DOCK1: variants seen among roughly 807,000 people sequenced by gnomAD.
DOCK1 encodes dedicator of cytokinesis protein 1.
Under a neutral mutation model 262.7 loss-of-function variants are expected in DOCK1, and 138 were observed. The ratio of observed to expected loss-of-function variants is 0.53; its 90% confidence interval spans 0.46 to 0.61. The LOEUF is 0.61. Ranked by LOEUF, DOCK1 falls within the 20% of genes least tolerant of loss-of-function variation. The probability of loss-of-function intolerance (pLI) is 0.00; values close to 1 mark genes in which losing one functional copy is unlikely to be tolerated. For synonymous variants in DOCK1, 866 were observed against 867.4 expected (o/e 1.00, Z 0.03); for missense variants, 1,908 against 2,370.7 (o/e 0.80, Z 4.05).
At chr10:127,109,008 ATATAT>A (rs2048711004) in intron 24 of DOCK1, among the ~76,000 whole-genome samples, 1 of 152,228 alleles carries the variant, frequency 6.6e-6, no homozygotes, top group African/African-American at 2.4e-5. Flanking sequence ...TTTAAAAAAA[ATATAT>A]TATAAAATGC....
At chr10:127,220,588 G>A (rs756036109) in intron 27 of DOCK1, among the ~76,000 whole-genome samples, 13 of 151,970 alleles carry the variant, frequency 8.6e-5, no homozygotes, top group Non-Finnish European at 1.8e-4. Context: ...AACCCTAGCT[G>A]TAAAGGGAAG....
intron 29 of DOCK1, among the ~76,000 whole-genome samples, chr10:127,296,747 G>T (rs2061518264): frequency 6.6e-6 from 1 of 152,192 alleles, no homozygotes; most frequent in South Asian, 2.1e-4. Flanking sequence ...GCTGGCAGAG[G>T]TGGCTTTTTG....
intron 1 of DOCK1, among the ~76,000 whole-genome samples, chr10:126,968,871 A>G (rs2037876709): frequency 6.6e-6 from 1 of 152,178 alleles, no homozygotes; most frequent in African/African-American, 2.4e-5. Context: ...CTAACTAATA[A>G]CCATCTTTGT....
chr10:127,052,537 AAAAGAG>A, intron 21 of DOCK1, 138 bp from the exon 22 acceptor site: 1 of 1,270,596 alleles, frequency 7.9e-7, no homozygotes, highest in African/African-American at 1.5e-5. Flanking sequence ...AAAAAAAAAA[AAAAGAG>A]AAAACGTTTT....
At chr10:127,213,198 G>C (rs1179916048) in intron 27 of DOCK1, among the ~76,000 whole-genome samples, 3 of 152,214 alleles carry the variant, frequency 2.0e-5, no homozygotes, top group East Asian at 3.8e-4. Flanking sequence ...GGAAGAGAGA[G>C]AAAAATGTTT....
At chr10:127,273,732 A>G (rs1018563254) in intron 29 of DOCK1, among the ~76,000 whole-genome samples, 1 of 152,052 alleles carries the variant, frequency 6.6e-6, no homozygotes, top group Non-Finnish European at 1.5e-5. Context: ...AAGTAAAAAA[A>G]GTTAGCCGGG....
intron 36 of DOCK1, 75 bp from the exon 37 acceptor site, chr10:127,381,203 A>G: frequency 4.7e-6 from 6 of 1,284,460 alleles, no homozygotes; most frequent in Non-Finnish European, 6.5e-6. Context: ...TTGAACATAG[A>G]ATTTAGCTCT....
At chr10:127,365,011 G>A (rs1337113782) in intron 33 of DOCK1, among the ~76,000 whole-genome samples, 3 of 151,942 alleles carry the variant, frequency 2.0e-5, no homozygotes, top group Non-Finnish European at 4.4e-5. Context: ...TATAAAGACT[G>A]TACTAATACA....
At chr10:126,997,987 T>C (rs1835197958) in intron 7 of DOCK1, 105 bp from the exon 8 acceptor site, 3 of 1,440,872 alleles carry the variant, frequency 2.1e-6, no homozygotes, top group Non-Finnish European at 2.8e-6. Context: ...TTTGCTGGGT[T>C]ATGCCAATGA....
intron 44 of DOCK1, among the ~76,000 whole-genome samples, chr10:127,415,753 T>A (rs2068115207): frequency 6.6e-6 from 1 of 152,190 alleles, no homozygotes; most frequent in Non-Finnish European, 1.5e-5. Context: ...AAGCTAAACT[T>A]TGCTTTGAGA....
Position 127,384,894 on chromosome 10 carries a change from C to A in DOCK1, c.3912C>A (p.Tyr1304Ter). 6.2e-7 allele frequency: 1 copy of A among 1,601,724 alleles called. No homozygotes were observed. The highest frequency in any genetic ancestry group is 8.5e-7 in the Non-Finnish European group (1 of 1,176,070). The change falls in exon 38 of 52, where the codon TAC becomes TAA. Residue 1304 changes from tyrosine to a stop codon, truncating the protein, a stop_gained. Transcript: ENST00000623213. LOFTEE classifies it high-confidence loss of function. ...AGCTCTACCAGGAAATCATCCACTA[C>A]TTCGACAAAGGCAAGGTAAAACACA... ...KEQLYQEIIH[Y>*]FDKGKMWEEA...
chr10:127,177,413 C>T (rs1419861212), intron 27 of DOCK1, among the ~76,000 whole-genome samples: 1 of 152,216 alleles, frequency 6.6e-6, no homozygotes, highest in Non-Finnish European at 1.5e-5. Context: ...CTGTTTATTG[C>T]ACATGGAAGA....
At chr10:126,951,465 T>TG (rs1201181626) in intron 1 of DOCK1, among the ~76,000 whole-genome samples, 59 of 151,794 alleles carry the variant, frequency 3.9e-4, no homozygotes, top group African/African-American at 1.3e-3. Flanking sequence ...TTGGTAGTAG[T>TG]GGTAGTATTC....
At chr10:126,943,989 G>A (rs1483335950) in intron 1 of DOCK1, among the ~76,000 whole-genome samples, 8 of 152,066 alleles carry the variant, frequency 5.3e-5, no homozygotes, top group Admixed American at 4.6e-4. Context: ...ATTCTTGAAG[G>A]GTCCAGAGCT....
At chr10:127,273,928 C>T (rs1350408859) in intron 29 of DOCK1, among the ~76,000 whole-genome samples, 2 of 151,304 alleles carry the variant, frequency 1.3e-5, no homozygotes, top group Non-Finnish European at 2.9e-5. Context: ...GGATATGGGA[C>T]CTAAAAAGCA....
intron 46 of DOCK1, among the ~76,000 whole-genome samples, chr10:127,421,624 C>T (rs1217212479): frequency 6.6e-6 from 1 of 152,124 alleles, no homozygotes; most frequent in Non-Finnish European, 1.5e-5. Flanking sequence ...AACGACTTCC[C>T]CATTCCTCCC....
At chr10:127,402,774 C>T in intron 38 of DOCK1, 1 of 581,172 alleles carries the variant, frequency 1.7e-6, no homozygotes, top group Non-Finnish European at 3.3e-6. Context: ...AGAGCAAAGA[C>T]AGGAGCAGTG....
intron 23 of DOCK1, among the ~76,000 whole-genome samples, chr10:127,082,239 A>T (rs1388151886): frequency 6.6e-6 from 1 of 152,192 alleles, no homozygotes; most frequent in East Asian, 1.9e-4. Context: ...GTAAGTAGAA[A>T]TATTAAGCCA....
chr10:127,420,523 C>T (rs2068438439), intron 46 of DOCK1, among the ~76,000 whole-genome samples: 1 of 152,094 alleles, frequency 6.6e-6, no homozygotes, highest in Non-Finnish European at 1.5e-5. Flanking sequence ...TCTTGCCACA[C>T]TGTGTAAAGA....
Sources: allele counts gnomAD v4.1 joint callset (sites outside exome capture counted in the v4.1 genomes callset), GRCh38; gene constraint gnomAD v4.1.1; transcripts MANE v1.5; gene names NCBI Gene and HGNC (gene_info 2026-07-23, HGNC 2026-07-21).